The following PAPPA variants were observed in gnomAD, a reference collection of about 807,000 sequenced individuals.
PAPPA encodes pappalysin 1.
Under a neutral mutation model 164.0 loss-of-function variants are expected in PAPPA, and 60 were observed. The ratio of observed to expected loss-of-function variants is 0.37; its 90% CI spans 0.30 to 0.45. The LOEUF (loss-of-function observed/expected upper bound fraction) is 0.45. Among genes scored for constraint, PAPPA ranks in the 20% least tolerant of loss-of-function variants. The probability of loss-of-function intolerance (pLI) is 1.00; values close to 1 mark genes in which losing one functional copy is unlikely to be tolerated. For synonymous variants in PAPPA, 875 were observed against 814.1 expected (o/e 1.07, Z -1.27); for missense variants, 1,782 against 2,087.3 (o/e 0.85, Z 2.85).
chr9:116,289,408 A>ATATGGCATATATATG (rs1845407387), intron 9 of PAPPA, among the ~76,000 whole-genome samples: 1 of 145,430 alleles, frequency 6.9e-6, no homozygotes, highest in Non-Finnish European at 1.5e-5. Flanking sequence ...ATATATATAT[A>ATATGGCATATATATG]GCATATATAT....
chr9:116,289,091 T>G (rs910333509), intron 9 of PAPPA, among the ~76,000 whole-genome samples: 4 of 143,018 alleles, frequency 2.8e-5, no homozygotes, highest in African/African-American at 1.0e-4. Flanking sequence ...GCTGCTTGTT[T>G]TACTGGATTG....
At chr9:116,394,574 C>T (rs1161209421) in intron 21 of PAPPA, among the ~76,000 whole-genome samples, 1 of 152,182 alleles carries the variant, frequency 6.6e-6, no homozygotes, top group African/African-American at 2.4e-5. Context: ...GGGGTTTTCT[C>T]TCTATGCCAC....
chr9:116,188,032 C>T lies in PAPPA; in HGVS notation c.1294C>T (p.Leu432=). 1 of 1,614,226 alleles carries T rather than the reference C, an allele frequency of 6.2e-7. No individual in the cohort carries two copies. The highest frequency in any genetic ancestry group is 2.2e-5 in the East Asian group (1 of 44,886). ...CTGTGACCCCGAGTGCAACCACACG[C>T]TGACGGGCCACGACGGCGGGGATTG... The part of the protein sequence containing the change: ...ENCDPECNHT[L]TGHDGGDCRH... Residue 432 remains leucine (L), a synonymous_variant, in exon 2 of 22, where the codon CTG becomes TTG. Transcript: ENST00000328252.
chr9:116,397,926 CT>C lies in PAPPA; in HGVS notation c.*1314del, dbSNP rs1846987741. 6.6e-6 allele frequency: 1 copy of C among 152,602 alleles called. No individual in the cohort carries two copies. The highest frequency in any genetic ancestry group is 2.4e-5 in the African/African-American group (1 of 41,440). The allele number at this position is 152,602 out of a possible 1,614,324, so 9.5% of individuals were successfully genotyped here. On this transcript the variant is annotated 3_prime_UTR_variant, in exon 22 of 22. Coordinates refer to ENST00000328252, the MANE Select transcript of PAPPA (RefSeq NM_002581.5). ...GAGATATAATTCTGGGAGAAAGAATCTTTTATAAGAACAGTACAGATTGTTC... is the reference window on the plus strand; with the variant it reads ...GAGATATAATTCTGGGAGAAAGAATCTTTATAAGAACAGTACAGATTGTTC...
intron 21 of PAPPA, among the ~76,000 whole-genome samples, chr9:116,393,512 A>G (rs1456884779): frequency 6.6e-6 from 1 of 152,216 alleles, no homozygotes; most frequent in African/African-American, 2.4e-5. Context: ...GTGAGCTGAC[A>G]TCGAAGTAAA....
Position 116,219,138 on chromosome 9 carries a change from C to T in PAPPA, c.1919-799C>T, listed in dbSNP as rs149651121. ...TCCAATCTTAGCCGTGCAATCTGAT[C>T]AGCCTCAACTATCTCCTTCTTTAGA... On this transcript the variant is annotated intron_variant, in intron 4 of 21. Transcript: ENST00000328252. Among the ~76,000 whole-genome samples, 781 of 152,318 alleles carry T rather than the reference C, an allele frequency of 5.1e-3. 5 individuals are homozygous for T. The highest frequency in any genetic ancestry group is 0.017 in the African/African-American group (711 of 41,564).
At chr9:116,336,448 C>T (rs1198086108) in intron 13 of PAPPA, among the ~76,000 whole-genome samples, 1 of 152,112 alleles carries the variant, frequency 6.6e-6, no homozygotes, top group Non-Finnish European at 1.5e-5. Flanking sequence ...TTCCACAAGC[C>T]CTTGTTCTCC....
chr9:116,170,766 C>G (rs976250304), intron 1 of PAPPA, among the ~76,000 whole-genome samples: 1 of 151,916 alleles, frequency 6.6e-6, no homozygotes, highest in South Asian at 2.1e-4. Context: ...TTCATCTGTC[C>G]ATCCATCCTT....
chr9:116,197,003 T>C (rs772899289), intron 2 of PAPPA, among the ~76,000 whole-genome samples: 3 of 152,190 alleles, frequency 2.0e-5, no homozygotes, highest in Non-Finnish European at 4.4e-5. Context: ...GGAGGTTTCT[T>C]TCCCATGAGA....
intron 7 of PAPPA, among the ~76,000 whole-genome samples, chr9:116,253,179 G>A (rs1844879918): frequency 6.7e-6 from 1 of 149,744 alleles, no homozygotes; most frequent in African/African-American, 2.5e-5. Context: ...AAAAAAAAAA[G>A]CCTCCCTAAG....
At chr9:116,250,731 T>C (rs1472345189) in intron 7 of PAPPA, among the ~76,000 whole-genome samples, 2 of 152,246 alleles carry the variant, frequency 1.3e-5, no homozygotes, top group African/African-American at 4.8e-5. Context: ...ACTTGACATA[T>C]GAGAGAATTG....
intron 9 of PAPPA, among the ~76,000 whole-genome samples, chr9:116,284,696 C>A (rs1845311177): frequency 6.6e-6 from 1 of 152,076 alleles, no homozygotes; most frequent in African/African-American, 2.4e-5. Context: ...CTAATCTCAA[C>A]TGGTGGCGCC....
At chr9:116,381,521 C>T (rs1185096001) in intron 20 of PAPPA, among the ~76,000 whole-genome samples, 1 of 152,136 alleles carries the variant, frequency 6.6e-6, no homozygotes, top group Admixed American at 6.5e-5. Context: ...TGGACTTTCC[C>T]CTAATAAGGC....
intron 1 of PAPPA, among the ~76,000 whole-genome samples, chr9:116,185,237 G>T (rs1354427754): frequency 6.6e-6 from 1 of 152,192 alleles, no homozygotes; most frequent in Non-Finnish European, 1.5e-5. Context: ...CTTCACTAAG[G>T]TTGTCCTGAT....
intron 9 of PAPPA, among the ~76,000 whole-genome samples, chr9:116,297,915 A>G (rs1845529486): frequency 2.0e-5 from 3 of 152,162 alleles, no homozygotes; most frequent in Admixed American, 6.5e-5. Context: ...AAAGTCTAAA[A>G]TGTAATTTTG....
At chr9:116,179,308 C>T (rs562843353) in intron 1 of PAPPA, among the ~76,000 whole-genome samples, 33 of 152,278 alleles carry the variant, frequency 2.2e-4, no homozygotes, top group South Asian at 6.2e-4. Flanking sequence ...ACACAGGTGC[C>T]ATCAAGGGTG....
At chr9:116,175,357 A>G (rs868481665) in intron 1 of PAPPA, among the ~76,000 whole-genome samples, 2 of 152,206 alleles carry the variant, frequency 1.3e-5, no homozygotes, top group Non-Finnish European at 2.9e-5. Flanking sequence ...ACACTTGAAA[A>G]TTGCTAGGAA....
chr9:116,227,071 G>A (rs1376444956), intron 5 of PAPPA, among the ~76,000 whole-genome samples: 1 of 152,200 alleles, frequency 6.6e-6, no homozygotes. Flanking sequence ...AGAACGAAAT[G>A]GAGCAAGAGA....
intron 9 of PAPPA, among the ~76,000 whole-genome samples, chr9:116,294,146 G>A (rs1845472358): frequency 6.6e-6 from 1 of 152,106 alleles, no homozygotes; most frequent in African/African-American, 2.4e-5. Flanking sequence ...ATGGGCCTGA[G>A]TGTAGAGTTA....
Sources: allele counts gnomAD v4.1 joint callset (sites outside exome capture counted in the v4.1 genomes callset), GRCh38; gene constraint gnomAD v4.1.1; transcripts MANE v1.5; gene names NCBI Gene and HGNC (gene_info 2026-07-23, HGNC 2026-07-21).